DENND5A: variants seen among roughly 807,000 people sequenced by gnomAD.
DENND5A encodes DENN domain containing 5A.
DENND5A carries 64 observed loss-of-function variants against 140.3 expected under a neutral mutation model. The ratio of observed to expected loss-of-function variants is 0.46; its 90% CI spans 0.37 to 0.56. The LOEUF (loss-of-function observed/expected upper bound fraction) is 0.56, where lower values mean the gene tolerates loss of function less well. DENND5A is among the 20% of genes least tolerant of loss of function. DENND5A has a pLI of 0.00. For synonymous variants in DENND5A, 605 were observed against 607.7 expected, an observed-to-expected ratio of 1.00 and a Z score of 0.07; for missense variants, 1,292 against 1,593.8, an observed-to-expected ratio of 0.81 and a Z score of 3.22.
At chr11:9,173,288 A>C (rs1848434475) in intron 8 of DENND5A, among the ~76,000 whole-genome samples, 1 of 152,226 alleles carries the variant, frequency 6.6e-6, no homozygotes, top group Non-Finnish European at 1.5e-5. Flanking sequence ...GTAGGAAAAT[A>C]ATGCCAGATG....
At chr11:9,181,242 C>T (rs780216430) in intron 5 of DENND5A, among the ~76,000 whole-genome samples, 158 bp from the exon 6 acceptor site, 5 of 152,126 alleles carry the variant, frequency 3.3e-5, no homozygotes, top group Non-Finnish European at 5.9e-5. Context: ...ATAAGACAGA[C>T]TTGAGTTCCA....
intron 1 of DENND5A, among the ~76,000 whole-genome samples, chr11:9,232,102 G>GT (rs1199332015): frequency 6.6e-6 from 1 of 151,800 alleles, no homozygotes; most frequent in Non-Finnish European, 1.5e-5. Context: ...AAATTAATTA[G>GT]CCCTAGGACT....
At position 9,170,591 on chromosome 11, in the gene DENND5A, G is replaced by C. The variant is rs529572312; in HGVS notation, c.2057+36C>G. ...ATACTAGATGACCCTATTACAGCTA[G>C]GGAGTTGGATTAGTGAATCCCTGGG... On this transcript the variant is annotated intron_variant, in intron 9 of 22. Transcript: ENST00000328194. 48 of 1,612,668 alleles carry C rather than the reference G, an allele frequency of 3.0e-5. No individual in the cohort carries two copies. In the East Asian group the frequency reaches 1.0e-3, roughly 34 times the overall value.
rs115716644 is a variant in DENND5A, at chr11:9,202,486, T to C, written c.949+1174A>G. 5.4e-3 allele frequency among the ~76,000 whole-genome samples: 830 copies of C among 152,304 alleles called. 8 individuals carry two copies. Among genetic ancestry groups the C allele is most frequent in the African/African-American group, 0.019 (793 of 41,560 alleles). On this transcript the variant is annotated intron_variant, in intron 4 of 22. Coordinates refer to ENST00000328194, the MANE Select transcript of DENND5A (RefSeq NM_015213.4). The stretch of plus-strand genomic sequence containing the variant: ...AGCAAATGTGGCAAAATGTTAACAA[T>C]TGGTGAATTTGGGATAGGTTATACA...
At position 9,178,385 on chromosome 11, in the gene DENND5A, A is replaced by G; in HGVS notation, c.1672-19T>C. On this transcript the variant is annotated intron_variant, in intron 7 of 22. Coordinates refer to ENST00000328194, the MANE Select transcript of DENND5A (RefSeq NM_015213.4). ...AAGATGCCTGGTGGGACCAAAAAGA[A>G]GCAGTAATTGACAGGGAAAAGGGTA... 6.7e-7 allele frequency: 1 copy of G among 1,499,354 alleles called. No homozygotes were observed. Among genetic ancestry groups the G allele is most frequent in the South Asian group, 1.1e-5 (1 of 88,304 alleles). The allele number at this position is 1,499,354 out of a possible 1,614,324, so 92.9% of individuals were successfully genotyped here.
At chr11:9,179,097 G>A in intron 6 of DENND5A, 24 bp from the exon 7 acceptor site, 1 of 1,601,138 alleles carries the variant, frequency 6.2e-7, no homozygotes, top group Non-Finnish European at 8.5e-7. Flanking sequence ...AAAAGCAGTT[G>A]AGAACACATA....
At chr11:9,231,995 T>C (rs1850792239) in intron 1 of DENND5A, among the ~76,000 whole-genome samples, 1 of 152,144 alleles carries the variant, frequency 6.6e-6, no homozygotes, top group South Asian at 2.1e-4. Flanking sequence ...AATGTTTCTC[T>C]TTCACTTGCA....
At chr11:9,261,130 T>G (rs1215031621) in intron 1 of DENND5A, among the ~76,000 whole-genome samples, 4 of 152,084 alleles carry the variant, frequency 2.6e-5, no homozygotes, top group Non-Finnish European at 5.9e-5. Context: ...GGATTACAGG[T>G]GTGAGCTACT....
At position 9,245,111 on chromosome 11, in the gene DENND5A, C is replaced by T. The variant is rs548771650; in HGVS notation, c.109+19850G>A. On this transcript the variant is annotated intron_variant, in intron 1 of 22. Coordinates refer to ENST00000328194, the MANE Select transcript of DENND5A (RefSeq NM_015213.4). ...CATCTTGGCCAACATGCTGAAACCC[C>T]GTTTCTACTAAAAATACAAAAAAAT... Among the ~76,000 whole-genome samples, 50 of 151,736 alleles carry T rather than the reference C, an allele frequency of 3.3e-4. 1 individual carries two copies. The highest frequency in any genetic ancestry group is 1.1e-3 in the Admixed American group (17 of 15,264).
chr11:9,166,066 A>C, intron 10 of DENND5A, 99 bp from the exon 11 acceptor site: 6 of 1,123,084 alleles, frequency 5.3e-6, no homozygotes, highest in South Asian at 1.6e-5. Context: ...ATTTTCTCAC[A>C]TTTTCTTTTT....
At chr11:9,212,380 T>C (rs1376487980) in intron 1 of DENND5A, among the ~76,000 whole-genome samples, 1 of 152,006 alleles carries the variant, frequency 6.6e-6, no homozygotes, top group African/African-American at 2.4e-5. Flanking sequence ...TAATCAAAAT[T>C]TTCCCAAATT....
In DENND5A at chr11:9,265,160, C is replaced by CCCGCCG. The variant is rs1364153753; in HGVS notation, c.-97_-92dup. ...GCCCGTCCGCCCTCAGGCCGCCCCT[C>CCCGCCG]CCGCCGCCGCCGCTACCGCGGCTCG... On this transcript the variant is annotated 5_prime_UTR_variant, in exon 1 of 23. Transcript: ENST00000328194. The surrounding 1 kb of genome is among the most constrained non-coding windows in gnomAD (Gnocchi z 4.7). 1 of 668,706 alleles carries CCCGCCG rather than the reference C, an allele frequency of 1.5e-6. No individual in the cohort carries two copies. Among genetic ancestry groups the CCCGCCG allele is most frequent in the African/African-American group, 2.0e-5 (1 of 50,468 alleles). The allele number at this position is 668,706 out of a possible 1,614,324, so 41.4% of individuals were successfully genotyped here.
chr11:9,229,026 A>G (rs1319957750), intron 1 of DENND5A, among the ~76,000 whole-genome samples: 1 of 152,206 alleles, frequency 6.6e-6, no homozygotes, highest in African/African-American at 2.4e-5. Flanking sequence ...ACGGGCGGCA[A>G]TCTGGGACTT....
At chr11:9,245,643 T>G (rs1851440580) in intron 1 of DENND5A, 1 of 151,992 alleles carries the variant, frequency 6.6e-6, no homozygotes, top group Non-Finnish European at 1.5e-5. Flanking sequence ...ATTTTATTTA[T>G]TTATTGTTGA....
At chr11:9,240,677 T>G (rs934238190) in intron 1 of DENND5A, among the ~76,000 whole-genome samples, 1 of 150,064 alleles carries the variant, frequency 6.7e-6, no homozygotes, top group Non-Finnish European at 1.5e-5. Flanking sequence ...GCCACCGTAC[T>G]CCAGCCTGGG....
chr11:9,181,213 A>G, intron 5 of DENND5A, 129 bp from the exon 6 acceptor site: 1 of 736,184 alleles, frequency 1.4e-6, no homozygotes, highest in Non-Finnish European at 2.2e-6. Flanking sequence ...ATATGGTATA[A>G]GGAAGATAGG....
chr11:9,153,096 C>CG (rs1373267464), intron 12 of DENND5A, among the ~76,000 whole-genome samples: 1 of 151,584 alleles, frequency 6.6e-6, no homozygotes, highest in African/African-American at 2.4e-5. Flanking sequence ...CCAAGGCGGG[C>CG]GGATCACTTG....
At chr11:9,161,998 T>C (rs1848000128) in intron 11 of DENND5A, among the ~76,000 whole-genome samples, 1 of 151,298 alleles carries the variant, frequency 6.6e-6, no homozygotes, top group African/African-American at 2.4e-5. Flanking sequence ...TGAACCCATA[T>C]CTGCCTGAAC....
intron 5 of DENND5A, among the ~76,000 whole-genome samples, chr11:9,185,147 C>T (rs546371972): frequency 6.6e-5 from 10 of 152,226 alleles, no homozygotes; most frequent in South Asian, 2.1e-4. Context: ...GTCGAGATTG[C>T]GCCACTGCAC....
Sources: gnomAD v4.1 joint callset for allele counts (sites outside exome capture counted in the v4.1 genomes callset) on GRCh38, gnomAD v4.1.1 for gene constraint, Gnocchi (gnomAD v3.1) non-coding constraint, MANE v1.5 for transcripts, NCBI Gene and HGNC (gene_info 2026-07-23, HGNC 2026-07-21) for gene names.